CDH12: variants seen among roughly 807,000 people sequenced by gnomAD.
CDH12 encodes the protein cadherin-12.
A neutral mutation model predicts 74.1 loss-of-function variants in CDH12; 41 were observed. The observed-to-expected ratio is 0.55, with a 90% CI of 0.43 to 0.72. CDH12 has a LOEUF of 0.72. Ranked by LOEUF, CDH12 falls within the 30% of genes least tolerant of loss-of-function variation. CDH12 has a pLI of 0.00. For synonymous variants in CDH12, 399 were observed against 355.0 expected (o/e 1.12, Z -1.39); for missense variants, 945 against 977.2 (o/e 0.97, Z 0.44).
intron 2 of CDH12, among the ~76,000 whole-genome samples, chr5:22,499,316 G>A (rs1022382508): frequency 2.0e-5 from 3 of 152,082 alleles, no homozygotes; most frequent in African/African-American, 7.2e-5. Context: ...GTCAAGAAAA[G>A]TGATTTATTC....
Position 21,816,973 on chromosome 5 carries a change from G to A in CDH12, c.974C>T (p.Thr325Ile). 6.2e-7 allele frequency: 1 copy of A among 1,610,874 alleles called. No homozygotes were observed. Among genetic ancestry groups the A allele is most frequent in the African/African-American group, 1.3e-5 (1 of 74,792 alleles). The change falls in exon 9 of 15, where the codon ACA becomes ATA. Residue 325 changes from threonine (T) to isoleucine (I), a missense_variant. Physicochemically the swap from Thr to Ile is moderately conservative, Grantham distance 89. Transcript: ENST00000382254. ...TTTCAATTTGATGACTCCCTCTTGT[G>A]TATCCTCATCTGTGACGATGTCAAA... ...NLFDIVTDED[T>I]QEGVIKLKKP...
chr5:22,371,243 A>T (rs1042859701), intron 3 of CDH12, among the ~76,000 whole-genome samples: 21 of 152,166 alleles, frequency 1.4e-4, no homozygotes, highest in African/African-American at 4.8e-4. Flanking sequence ...GAACTCAGAC[A>T]TGTTATGAAA....
chr5:22,751,192 C>T (rs1050996401), intron 1 of CDH12, among the ~76,000 whole-genome samples: 29 of 151,238 alleles, frequency 1.9e-4, no homozygotes, highest in Non-Finnish European at 1.2e-4. Flanking sequence ...CTTAAAGAGG[C>T]GGCAAGATAG....
chr5:22,063,175 T>C (rs3923061), intron 5 of CDH12, among the ~76,000 whole-genome samples: 56 of 152,280 alleles, frequency 3.7e-4, no homozygotes, highest in African/African-American at 1.3e-3. Context: ...ATCGTGCTAC[T>C]TCTATTTTTG....
intron 6 of CDH12, among the ~76,000 whole-genome samples, chr5:21,952,136 A>G (rs1755890318): frequency 6.6e-6 from 1 of 152,210 alleles, no homozygotes; most frequent in African/African-American, 2.4e-5. Flanking sequence ...GAGTTCTTAC[A>G]TTAGTGCTGT....
intron 5 of CDH12, among the ~76,000 whole-genome samples, chr5:22,005,944 C>T (rs1251008093): frequency 6.6e-6 from 1 of 151,844 alleles, no homozygotes; most frequent in Non-Finnish European, 1.5e-5. Flanking sequence ...TTATAGGTCA[C>T]CTTTGTGCTC....
chr5:22,599,457 T>C (rs919744765), intron 1 of CDH12, among the ~76,000 whole-genome samples: 3 of 152,186 alleles, frequency 2.0e-5, no homozygotes, highest in African/African-American at 2.4e-5. Flanking sequence ...TGCATTCTTA[T>C]AGTGCACGCT....
chr5:22,759,553 A>G (rs964240195), intron 1 of CDH12, among the ~76,000 whole-genome samples: 2 of 152,094 alleles, frequency 1.3e-5, no homozygotes, highest in Non-Finnish European at 2.9e-5. Flanking sequence ...CCCTCAATCC[A>G]CAGTTATTAT....
chr5:22,421,520 T>C (rs1454828914), intron 2 of CDH12, among the ~76,000 whole-genome samples: 5 of 152,212 alleles, frequency 3.3e-5, no homozygotes, highest in Non-Finnish European at 7.3e-5. Flanking sequence ...CATGAACTCA[T>C]CCTTTTTTAT....
intron 1 of CDH12, among the ~76,000 whole-genome samples, chr5:22,803,059 A>C (rs189772855): frequency 1.9e-3 from 294 of 152,264 alleles, no homozygotes; most frequent in African/African-American, 6.7e-3. Context: ...AGGAAGCCCA[A>C]CATCAACTTT....
intron 1 of CDH12, among the ~76,000 whole-genome samples, chr5:22,644,129 C>T (rs1739311581): frequency 6.6e-6 from 1 of 151,976 alleles, no homozygotes; most frequent in African/African-American, 2.4e-5. Context: ...AATTAACAAC[C>T]CTTAAATGGC....
chr5:22,410,889 G>A (rs895147557), intron 2 of CDH12, among the ~76,000 whole-genome samples: 1 of 152,078 alleles, frequency 6.6e-6, no homozygotes, highest in Non-Finnish European at 1.5e-5. Context: ...AAGGCTGGGG[G>A]AAGGAGTGGC....
At chr5:21,853,875 A>G (rs1750605978) in intron 7 of CDH12, among the ~76,000 whole-genome samples, 1 of 151,646 alleles carries the variant, frequency 6.6e-6, no homozygotes, top group South Asian at 2.1e-4. Context: ...AATATGTTCT[A>G]ATGTAGTGTA....
intron 6 of CDH12, among the ~76,000 whole-genome samples, chr5:21,855,623 T>A (rs1170632681): frequency 1.3e-5 from 2 of 151,572 alleles, no homozygotes; most frequent in African/African-American, 4.8e-5. Flanking sequence ...AATAGACATA[T>A]ATATATATGT....
intron 1 of CDH12, among the ~76,000 whole-genome samples, chr5:22,781,488 G>A (rs900127063): frequency 6.6e-6 from 1 of 151,968 alleles, no homozygotes; most frequent in Non-Finnish European, 1.5e-5. Flanking sequence ...CAACCCCCAA[G>A]TCTCCTCCCA....
intron 3 of CDH12, among the ~76,000 whole-genome samples, chr5:22,336,138 A>G (rs1239789003): frequency 3.9e-5 from 6 of 152,198 alleles, no homozygotes; most frequent in South Asian, 2.1e-4. Flanking sequence ...GAGATTTGTG[A>G]AACTTTGAAC....
chr5:22,645,359 ATGTGGTAGAAACTGCAAGAAAACT>A (rs1739383428), intron 1 of CDH12, among the ~76,000 whole-genome samples: 1 of 152,096 alleles, frequency 6.6e-6, no homozygotes, highest in Non-Finnish European at 1.5e-5. Context: ...GTAACTGCAG[ATGTGGTAGAAACTGCAAGAAAACT>A]GTAATTAGAA....
At chr5:21,880,659 C>CTTTCT (rs1561268750) in intron 6 of CDH12, among the ~76,000 whole-genome samples, 4 of 125,740 alleles carry the variant, frequency 3.2e-5, no homozygotes, top group African/African-American at 1.2e-4. Context: ...TTCTTTCTTT[C>CTTTCT]TTTCTTTCTT....
intron 6 of CDH12, among the ~76,000 whole-genome samples, chr5:21,891,637 C>T (rs935955372): frequency 1.3e-5 from 2 of 149,658 alleles, no homozygotes; most frequent in East Asian, 4.0e-4. Context: ...GTCTTTTTAG[C>T]AGACTAAACA....
Sources: gnomAD v4.1 joint callset for allele counts (sites outside exome capture counted in the v4.1 genomes callset) on GRCh38, gnomAD v4.1.1 for gene constraint, MANE v1.5 for transcripts, NCBI Gene and HGNC (gene_info 2026-07-23, HGNC 2026-07-21) for gene names.